The following MADD variants were observed in gnomAD, a reference collection of about 807,000 sequenced individuals.
The protein encoded by MADD is MAP kinase-activating death domain protein.
MADD carries 109 observed loss-of-function variants against 176.7 expected under a neutral mutation model. The observed-to-expected ratio is 0.62, with a 90% CI of 0.53 to 0.72. The LOEUF is 0.72. Ranked by LOEUF, MADD falls within the 30% of genes least tolerant of loss-of-function variation. The pLI, the probability that MADD is intolerant of heterozygous loss-of-function variation, is 0.00. For synonymous variants in MADD, 771 were observed against 771.3 expected (o/e 1.00, Z 0.01); for missense variants, 1,914 against 2,045.5 (o/e 0.94, Z 1.24).
At chr11:47,309,574 C>A (rs570632124) in exon 25 of MADD, 3 of 1,614,176 alleles carry the variant, frequency 1.9e-6, no homozygotes, top group African/African-American at 1.3e-5. Flanking sequence ...GTTGGCCACA[C>A]TTCTGCACAA....
At chr11:47,274,657 G>C (rs1045131119) in exon 3 of MADD, 1 of 1,614,222 alleles carries the variant, frequency 6.2e-7, no homozygotes, top group African/African-American at 1.3e-5. Flanking sequence ...CCCAGATGTA[G>C]TGTTCTTCTG....
chr11:47,327,328 C>T (rs1203902847), intron 31 of MADD: 1 of 988,370 alleles, frequency 1.0e-6, no homozygotes, highest in Non-Finnish European at 1.2e-6. Context: ...AGCTGGGAGC[C>T]AGCGCTAGGG....
chr11:47,285,639 C>G (rs762093470), intron 14 of MADD, 49 bp downstream of exon 14: 13 of 1,609,348 alleles, frequency 8.1e-6, no homozygotes, highest in Middle Eastern at 1.7e-4. Context: ...ATTTTCTCTA[C>G]AGCAGAGCCT....
intron 17 of MADD, 25 bp from the exon 19 acceptor site, chr11:47,290,124 G>A (rs2063936793): frequency 1.2e-6 from 2 of 1,612,902 alleles, no homozygotes; most frequent in Non-Finnish European, 8.5e-7. Flanking sequence ...ATTTGCCAAC[G>A]CTAGCCCCTG....
chr11:47,281,588 T>C, exon 8 of MADD: 1 of 1,609,218 alleles, frequency 6.2e-7, no homozygotes, highest in East Asian at 2.2e-5. Flanking sequence ...TTGGCCAGCA[T>C]GAGTCTCAAC....
chr11:47,289,113 G>C, intron 15 of MADD, 86 bp downstream of exon 16: 1 of 1,334,696 alleles, frequency 7.5e-7, no homozygotes. Flanking sequence ...TTCTCATGGA[G>C]CAAGCAGCGT....
At position 47,322,982 on chromosome 11, in the gene MADD, A is replaced by G. The variant is rs1009967609; in HGVS notation, c.4198-689A>G. Among the ~76,000 whole-genome samples, 4 of 152,202 alleles carry G rather than the reference A, an allele frequency of 2.6e-5. No homozygotes were observed. The East Asian group carries it at 7.7e-4, about 29-fold the overall frequency. ...GCCGGGCGCGGTGGCTCACGCCTGT[A>G]ATCCCAGCACTTTGGGAGGCCAAGA... On this transcript the variant is annotated intron_variant, in intron 27 of 32. Transcript: ENST00000402192.
At chr11:47,306,557 C>T (rs2082799335) in intron 22 of MADD, among the ~76,000 whole-genome samples, 2 of 152,028 alleles carry the variant, frequency 1.3e-5, no homozygotes, top group African/African-American at 2.4e-5. Flanking sequence ...GTGCTGGTGG[C>T]AGTTTCTAGA....
At chr11:47,294,353 A>G (rs2068380541) in intron 20 of MADD, among the ~76,000 whole-genome samples, 1 of 62,236 alleles carries the variant, frequency 1.6e-5, no homozygotes, top group African/African-American at 7.3e-5. Context: ...CATCTCAAAA[A>G]AAAAAAAAAA....
At position 47,279,657 on chromosome 11, in the gene MADD, G is replaced by A. The variant is rs530394200; in HGVS notation, c.1290+578G>A. Among the ~76,000 whole-genome samples the A allele has an allele frequency of 3.8e-4, 58 of 152,066 alleles. 1 individual carries two copies. In the South Asian group the frequency reaches 0.012, roughly 31 times the overall value. On this transcript the variant is annotated intron_variant, in intron 7 of 32. Coordinates refer to ENST00000402192, the Ensembl canonical transcript of MADD. ...GCCTCCCGAAGTGCTGGGATTACAG[G>A]CGTGAGCCACTGCGCCCGGCCGATT...
rs185038506 is a variant in MADD, at chr11:47,275,394, T to G, written c.659+235T>G. 7.2e-5 allele frequency among the ~76,000 whole-genome samples: 11 copies of G among 152,330 alleles called. No homozygotes were observed. The East Asian group carries it at 2.1e-3, about 29-fold the overall frequency. On this transcript the variant is annotated intron_variant, in intron 3 of 32. Transcript: ENST00000402192. ...GCAACCCCTGCCTCCTGGGTTCAAG[T>G]GATCCTTCTGCCTCAGCCTCCCGAG... is the stretch of plus-strand genomic sequence containing the variant.
chr11:47,281,257 T>C lies in MADD; in HGVS notation c.1291-318T>C, dbSNP rs144436320. On this transcript the variant is annotated intron_variant, in intron 7 of 32. Transcript: ENST00000402192. ...GATTCCAATTTTAAAAAACATTTAA[T>C]GACTATAATAATTTTGCAAACGACT... 7.9e-5 allele frequency among the ~76,000 whole-genome samples: 12 copies of C among 152,366 alleles called. No homozygotes were observed. The East Asian group carries it at 2.3e-3, about 29-fold the overall frequency.
At chr11:47,315,941 C>T (rs988503154) in intron 27 of MADD, among the ~76,000 whole-genome samples, 1 of 151,266 alleles carries the variant, frequency 6.6e-6, no homozygotes, top group Non-Finnish European at 1.5e-5. Context: ...AAGCAATTCT[C>T]CTGCCTCAGC....
rs577998133 is a variant in MADD at position 47,326,970 on chromosome 11, G to A, written c.4612+163G>A. The A allele has an allele frequency of 2.8e-4, 397 of 1,400,688 alleles. 1 individual carries two copies. Among genetic ancestry groups the A allele is most frequent in the Admixed American group, 1.4e-3 (49 of 34,432 alleles). 86.8% of individuals were successfully genotyped at this position (1,400,688 alleles called of 1,614,324 possible). ...AAAAGGGACCCCTGAGATGAGAGCC[G>A]GGATGTGGAAGGGAAAGATAGATAA... On this transcript the variant is annotated intron_variant, in intron 31 of 32. Transcript: ENST00000402192.
chr11:47,282,210 A>G (rs923128618), intron 8 of MADD, among the ~76,000 whole-genome samples, 171 bp from the exon 9 acceptor site: 2 of 152,180 alleles, frequency 1.3e-5, no homozygotes, highest in African/African-American at 4.8e-5. Flanking sequence ...AAGTGAAGAA[A>G]TAGTAAACCA....
At chr11:47,276,089 C>G (rs772102685) in exon 4 of MADD, 9 of 1,614,142 alleles carry the variant, frequency 5.6e-6, no homozygotes, top group East Asian at 2.2e-5. Context: ...GACCTTTGCT[C>G]TTCCAGACCC....
At chr11:47,314,528 G>A (rs982678177) in intron 26 of MADD, among the ~76,000 whole-genome samples, 12 of 151,490 alleles carry the variant, frequency 7.9e-5, no homozygotes, top group Admixed American at 6.6e-4. Flanking sequence ...TGTCACTTAA[G>A]CCCAGGAGTT....
chr11:47,286,289 T>C (rs902122968), intron 14 of MADD, 144 bp from the exon 15 acceptor site: 27 of 680,220 alleles, frequency 4.0e-5, no homozygotes, highest in Non-Finnish European at 6.6e-5. Context: ...CTTGATCCTT[T>C]CTAAGACAGA....
chr11:47,324,241 G>T, intron 28 of MADD, 24 bp from the exon 32 acceptor site: 1 of 1,611,872 alleles, frequency 6.2e-7, no homozygotes, highest in South Asian at 1.1e-5. Flanking sequence ...CTCATGATGG[G>T]ACCACTCTCC....
Sources: gnomAD v4.1 joint callset for allele counts (sites outside exome capture counted in the v4.1 genomes callset) on GRCh38, gnomAD v4.1.1 for gene constraint, MANE v1.5 for transcripts, NCBI Gene and HGNC (gene_info 2026-07-23, HGNC 2026-07-21) for gene names.